Variants in FIGN observed in about 807,000 individuals in gnomAD.
The protein encoded by FIGN is fidgetin.
A neutral mutation model predicts 51.3 loss-of-function variants in FIGN; 11 were observed. That is an observed-to-expected ratio of 0.21 (90% CI 0.13 to 0.35). The LOEUF is 0.35. Among genes scored for constraint, FIGN ranks in the 10% least tolerant of loss-of-function variants. FIGN has a pLI of 1.00. For missense variants in FIGN, 857 were observed against 943.6 expected, an observed-to-expected ratio of 0.91 and a Z score of 1.20; for synonymous variants, 407 against 363.2, an observed-to-expected ratio of 1.12 and a Z score of -1.37.
chr2:163,621,107 A>G (rs1682964454), intron 2 of FIGN, among the ~76,000 whole-genome samples: 1 of 152,142 alleles, frequency 6.6e-6, no homozygotes, highest in Non-Finnish European at 1.5e-5. Flanking sequence ...TAGATATATA[A>G]GTCTGCTTAT....
At chr2:163,624,803 T>C (rs1683030353) in intron 2 of FIGN, among the ~76,000 whole-genome samples, 1 of 151,560 alleles carries the variant, frequency 6.6e-6, no homozygotes. Flanking sequence ...AGATGCTTAT[T>C]AGGTAACTGT....
At chr2:163,720,678 T>C (rs1212792052) in intron 2 of FIGN, among the ~76,000 whole-genome samples, 2 of 152,106 alleles carry the variant, frequency 1.3e-5, no homozygotes, top group Non-Finnish European at 2.9e-5. Context: ...TTTAAATAGG[T>C]TCACTTAGAT....
chr2:163,735,433 T>C (rs1459482754), intron 1 of FIGN, among the ~76,000 whole-genome samples: 1 of 152,204 alleles, frequency 6.6e-6, no homozygotes, highest in Non-Finnish European at 1.5e-5. Context: ...GCAAGATTCT[T>C]ATTTACACTT....
chr2:163,634,982 GACAA>G (rs946238042), intron 2 of FIGN, among the ~76,000 whole-genome samples: 1 of 152,114 alleles, frequency 6.6e-6, no homozygotes, highest in African/African-American at 2.4e-5. Flanking sequence ...AAAATCTAGT[GACAA>G]ACAACCTGCC....
intron 2 of FIGN, among the ~76,000 whole-genome samples, chr2:163,687,234 A>G (rs892163032): frequency 2.0e-5 from 3 of 152,176 alleles, no homozygotes; most frequent in Non-Finnish European, 4.4e-5. Flanking sequence ...ATTTTTCTAG[A>G]TATAATATTG....
intron 2 of FIGN, among the ~76,000 whole-genome samples, chr2:163,669,024 A>G (rs1172170000): frequency 6.7e-6 from 1 of 148,440 alleles, no homozygotes; most frequent in African/African-American, 2.5e-5. Context: ...GAATATATAT[A>G]TATATATATA....
chr2:163,612,507 C>T, intron 2 of FIGN: 14 of 985,298 alleles, frequency 1.4e-5, no homozygotes, highest in Non-Finnish European at 1.7e-5. Flanking sequence ...CGCTCCATCG[C>T]TTTCATCGCA....
intron 2 of FIGN, among the ~76,000 whole-genome samples, chr2:163,626,383 G>A (rs1006874939): frequency 5.9e-5 from 9 of 152,058 alleles, no homozygotes; most frequent in Non-Finnish European, 1.3e-4. Context: ...AAAAAACTAA[G>A]AGGGTTCATT....
intron 2 of FIGN, among the ~76,000 whole-genome samples, chr2:163,627,478 G>T (rs1683071321): frequency 1.3e-5 from 2 of 152,098 alleles, no homozygotes; most frequent in South Asian, 2.1e-4. Flanking sequence ...TAATAAAATG[G>T]TAACGGTAAT....
intron 2 of FIGN, among the ~76,000 whole-genome samples, chr2:163,645,205 C>T (rs1366626312): frequency 6.6e-6 from 1 of 152,006 alleles, no homozygotes; most frequent in African/African-American, 2.4e-5. Context: ...ACACTATATG[C>T]AAAGGCTTTT....
chr2:163,687,011 G>A (rs1432789961), intron 2 of FIGN, among the ~76,000 whole-genome samples: 1 of 143,030 alleles, frequency 7.0e-6, no homozygotes. Flanking sequence ...GTGAGATTGT[G>A]TACACACACA....
At chr2:163,675,639 T>G (rs1473609220) in intron 2 of FIGN, among the ~76,000 whole-genome samples, 2 of 151,998 alleles carry the variant, frequency 1.3e-5, no homozygotes, top group Non-Finnish European at 2.9e-5. Flanking sequence ...AGCCCTTGTG[T>G]TTCTAGCATA....
intron 2 of FIGN, among the ~76,000 whole-genome samples, chr2:163,637,056 G>A (rs1342759908): frequency 6.6e-6 from 1 of 152,060 alleles, no homozygotes; most frequent in East Asian, 1.9e-4. Context: ...TCCAGCCTGG[G>A]CGACACAGTG....
In FIGN at chr2:163,660,712, T is replaced by C. The variant is rs201140410; in HGVS notation, c.26-48906A>G. On this transcript the variant is annotated intron_variant, in intron 2 of 2. Transcript: ENST00000333129. ...ACATATACATATATATGTATACACA[T>C]ATACATATATATGTATACACATATA... 6.2e-5 allele frequency among the ~76,000 whole-genome samples: 6 copies of C among 96,936 alleles called. 2 individuals carry two copies. The highest frequency in any genetic ancestry group is 1.1e-4 in the Non-Finnish European group (5 of 44,792). The allele number at this position is 96,936 out of a possible 152,430, so 63.6% of individuals were successfully genotyped here.
chr2:163,718,106 A>G (rs183674561), intron 2 of FIGN, among the ~76,000 whole-genome samples: 4 of 152,246 alleles, frequency 2.6e-5, no homozygotes, highest in Admixed American at 2.6e-4. Context: ...TCATCTTTGC[A>G]GTAGAGCAAA....
At chr2:163,612,292 A>C (rs946302408) in intron 2 of FIGN, 2 of 985,086 alleles carry the variant, frequency 2.0e-6, no homozygotes, top group Non-Finnish European at 1.2e-6. Context: ...AAGCAATATA[A>C]AAATGAGACA....
intron 2 of FIGN, among the ~76,000 whole-genome samples, chr2:163,724,377 T>C (rs1189688772): frequency 1.3e-5 from 2 of 152,216 alleles, no homozygotes; most frequent in African/African-American, 4.8e-5. Flanking sequence ...CCAGGAAGAA[T>C]GACATTTTTT....
intron 2 of FIGN, among the ~76,000 whole-genome samples, chr2:163,659,766 T>C (rs940873094): frequency 1.3e-5 from 2 of 152,198 alleles, no homozygotes; most frequent in African/African-American, 2.4e-5. Context: ...TTTTTCTTCT[T>C]CCCCTGAAGT....
intron 2 of FIGN, among the ~76,000 whole-genome samples, chr2:163,662,155 C>T (rs1042647807): frequency 1.3e-5 from 2 of 152,088 alleles, no homozygotes; most frequent in African/African-American, 4.8e-5. Flanking sequence ...CAATAAGGTC[C>T]AGGCTGAGGT....
Sources: allele counts gnomAD v4.1 joint callset (sites outside exome capture counted in the v4.1 genomes callset), GRCh38; gene constraint gnomAD v4.1.1; transcripts MANE v1.5; gene names NCBI Gene and HGNC (gene_info 2026-07-23, HGNC 2026-07-21).